The following IGF1R variants were observed in gnomAD, a reference collection of about 807,000 sequenced individuals.
The protein encoded by IGF1R is insulin like growth factor 1 receptor.
IGF1R carries 44 observed loss-of-function variants against 144.6 expected under a neutral mutation model. The observed-to-expected ratio is 0.30, with a 90% CI of 0.24 to 0.39. The LOEUF (loss-of-function observed/expected upper bound fraction) is 0.39. IGF1R is among the 10% of genes least tolerant of loss of function. The pLI, the probability that IGF1R is intolerant of heterozygous loss-of-function variation, is 1.00. For missense variants in IGF1R, 1,355 were observed against 1,833.7 expected (o/e 0.74, Z 4.77); for synonymous variants, 795 against 722.8 (o/e 1.10, Z -1.60).
At chr15:98,948,532 C>A (rs761270242) in intron 19 of IGF1R, 42 bp from the exon 20 acceptor site, 2 of 1,608,108 alleles carry the variant, frequency 1.2e-6, no homozygotes, top group East Asian at 2.2e-5. Flanking sequence ...ATTGTTCAGT[C>A]CATCCCTTTC....
At chr15:98,712,717 C>G (rs748564701) in intron 2 of IGF1R, among the ~76,000 whole-genome samples, 5 of 151,604 alleles carry the variant, frequency 3.3e-5, no homozygotes, top group Non-Finnish European at 5.9e-5. Context: ...TCAAGTGATT[C>G]TACTGCCTCA....
rs1276803550 is a variant in IGF1R at position 98,770,044 on chromosome 15, G to A, written c.640+61937G>A. Among the ~76,000 whole-genome samples the A allele has an allele frequency of 4.6e-5, 7 of 152,142 alleles. No homozygotes were observed. The East Asian group carries it at 1.3e-3, about 29-fold the overall frequency. On this transcript the variant is annotated intron_variant, in intron 2 of 20. Transcript: ENST00000650285. ...CTGAGTTGGCCATTAGCTGTCAACA[G>A]TCAGCACTTGCTGCCTCTCAAGTCT...
At chr15:98,677,216 C>T (rs9920307) in intron 1 of IGF1R, among the ~76,000 whole-genome samples, 21,639 of 152,114 alleles carry the variant, frequency 0.14, 3,177 homozygotes, top group African/African-American at 0.37. Flanking sequence ...GCATTGCAGG[C>T]GTGAGCCACC....
At chr15:98,907,070 G>A (rs1368067244) in intron 5 of IGF1R, among the ~76,000 whole-genome samples, 1 of 152,194 alleles carries the variant, frequency 6.6e-6, no homozygotes, top group Non-Finnish European at 1.5e-5. Context: ...TCCCCTTGTT[G>A]TCCTACGAGT....
chr15:98,740,920 C>T (rs2054723694), intron 2 of IGF1R, among the ~76,000 whole-genome samples: 2 of 152,300 alleles, frequency 1.3e-5, no homozygotes, highest in South Asian at 4.1e-4. Flanking sequence ...GGAAACTCCA[C>T]TTTGTCAAAA....
intron 2 of IGF1R, among the ~76,000 whole-genome samples, chr15:98,839,004 T>A (rs1464692336): frequency 6.6e-6 from 1 of 152,206 alleles, no homozygotes; most frequent in Non-Finnish European, 1.5e-5. Flanking sequence ...GAAGGCTGAC[T>A]ATGGAGTGAA....
intron 1 of IGF1R, among the ~76,000 whole-genome samples, chr15:98,681,179 G>A (rs935192386): frequency 2.0e-5 from 3 of 152,166 alleles, no homozygotes; most frequent in Admixed American, 2.0e-4. Flanking sequence ...AGCCTCTGTA[G>A]CACTTTGGTT....
chr15:98,907,924 G>A (rs2014812163), intron 5 of IGF1R, among the ~76,000 whole-genome samples: 1 of 152,226 alleles, frequency 6.6e-6, no homozygotes, highest in Non-Finnish European at 1.5e-5. Flanking sequence ...CACCACCTGG[G>A]ATTTGTGATA....
At chr15:98,790,593 C>G (rs1389228130) in intron 2 of IGF1R, among the ~76,000 whole-genome samples, 3 of 152,112 alleles carry the variant, frequency 2.0e-5, no homozygotes, top group Non-Finnish European at 4.4e-5. Context: ...GGCCACTGCA[C>G]CTGCTCCATG....
At chr15:98,909,222 TTC>T (rs2014875717) in intron 6 of IGF1R, among the ~76,000 whole-genome samples, 2 of 151,522 alleles carry the variant, frequency 1.3e-5, no homozygotes, top group South Asian at 2.1e-4. Context: ...AGTTAGATAT[TTC>T]TCTTTCTTTT....
chr15:98,896,187 C>T (rs2014185472), intron 3 of IGF1R, among the ~76,000 whole-genome samples: 2 of 152,308 alleles, frequency 1.3e-5, no homozygotes, highest in East Asian at 1.9e-4. Flanking sequence ...GAAATAATTT[C>T]GGTTGTGCTT....
At chr15:98,827,328 A>AT (rs1406245573) in intron 2 of IGF1R, among the ~76,000 whole-genome samples, 1 of 152,208 alleles carries the variant, frequency 6.6e-6, no homozygotes, top group African/African-American at 2.4e-5. Context: ...CCTCGTTCAC[A>AT]TGCCGTTTGA....
chr15:98,791,263 A>G (rs2056121158), intron 2 of IGF1R, among the ~76,000 whole-genome samples: 1 of 152,222 alleles, frequency 6.6e-6, no homozygotes, highest in Admixed American at 6.5e-5. Context: ...TTCAAATGCA[A>G]CAGCTGTAAT....
chr15:98,705,469 A>G (rs1380689250), intron 1 of IGF1R, among the ~76,000 whole-genome samples: 1 of 152,154 alleles, frequency 6.6e-6, no homozygotes. Flanking sequence ...GACTTCCCCA[A>G]ATCTGTTTCC....
chr15:98,869,324 A>AC (rs59452272), intron 2 of IGF1R, among the ~76,000 whole-genome samples: 1 of 151,742 alleles, frequency 6.6e-6, no homozygotes, highest in Non-Finnish European at 1.5e-5. Context: ...ACAAAAAAAA[A>AC]CACCACATAC....
At position 98,783,958 on chromosome 15, in the gene IGF1R, A is replaced by AT. The variant is rs71149420; in HGVS notation, c.640+75885dup. On this transcript the variant is annotated intron_variant, in intron 2 of 20. Coordinates refer to ENST00000650285, the MANE Select transcript of IGF1R (RefSeq NM_000875.5). ...TATTGCAAATACTATGGCATCTGAA[A>AT]TTTTTTTTTTTTTTTTTTTTTTTTT... 1.6e-3 allele frequency among the ~76,000 whole-genome samples: 87 copies of AT among 54,792 alleles called. 4 individuals carry two copies. The highest frequency in any genetic ancestry group is 6.4e-3 in the African/African-American group (81 of 12,674). The allele number at this position is 54,792 out of a possible 152,430, so 35.9% of individuals were successfully genotyped here.
rs575060780 is a variant in IGF1R, at chr15:98,930,191, A to G, written c.2886-44A>G. ...AAGATGAAAGTATATACAGGAATGT[A>G]TGGAGGTGGGGTTTTGTTAACGTGA... On this transcript the variant is annotated intron_variant, in intron 14 of 20. Coordinates refer to ENST00000650285, the MANE Select transcript of IGF1R (RefSeq NM_000875.5). 19 of 1,291,420 alleles carry G rather than the reference A, an allele frequency of 1.5e-5. No homozygotes were observed. The African/African-American group carries it at 1.7e-4, about 12-fold the overall frequency. 80.0% of individuals were successfully genotyped at this position (1,291,420 alleles called of 1,614,324 possible). A position where few individuals can be genotyped will look rare whatever the true frequency, so the allele number is the denominator to read the frequency against.
At chr15:98,742,951 CA>C (rs2054781277) in intron 2 of IGF1R, among the ~76,000 whole-genome samples, 1 of 152,150 alleles carries the variant, frequency 6.6e-6, no homozygotes, top group African/African-American at 2.4e-5. Context: ...ACAGGAGAAT[CA>C]CTTGAACCTG....
intron 2 of IGF1R, among the ~76,000 whole-genome samples, chr15:98,877,701 G>A (rs2013133738): frequency 6.6e-6 from 1 of 152,056 alleles, no homozygotes; most frequent in Non-Finnish European, 1.5e-5. Flanking sequence ...CCTGTGAAGA[G>A]GCTTCACTGT....
Sources: gnomAD v4.1 joint callset for allele counts (sites outside exome capture counted in the v4.1 genomes callset) on GRCh38, gnomAD v4.1.1 for gene constraint, MANE v1.5 for transcripts, NCBI Gene and HGNC (gene_info 2026-07-23, HGNC 2026-07-21) for gene names.